The following DPP6 variants were observed in gnomAD, a reference collection of about 807,000 sequenced individuals.
DPP6 encodes dipeptidyl peptidase like 6.
DPP6 carries 69 observed loss-of-function variants against 122.6 expected under a neutral mutation model. That is an observed-to-expected ratio of 0.56 (90% CI 0.46 to 0.69). DPP6 has a LOEUF of 0.69. Among genes scored for constraint, DPP6 ranks in the 30% least tolerant of loss-of-function variants. The pLI is 0.00. For missense variants in DPP6, 928 were observed against 1,116.9 expected, an observed-to-expected ratio of 0.83 and a Z score of 2.41; for synonymous variants, 418 against 433.1, an observed-to-expected ratio of 0.97 and a Z score of 0.43.
chr7:154,593,454 T>C (rs924617405), intron 5 of DPP6, among the ~76,000 whole-genome samples: 8 of 152,242 alleles, frequency 5.3e-5, no homozygotes, highest in Non-Finnish European at 1.0e-4. Context: ...ACTCTTACAC[T>C]GTGCTGTTCA....
intron 2 of DPP6, among the ~76,000 whole-genome samples, chr7:154,467,656 C>T (rs185531738): frequency 2.6e-5 from 4 of 152,284 alleles, no homozygotes; most frequent in East Asian, 3.9e-4. Context: ...GCTAATACAG[C>T]GTCCAACAGC....
At chr7:154,840,453 C>T (rs1801432703) in intron 16 of DPP6, among the ~76,000 whole-genome samples, 1 of 152,214 alleles carries the variant, frequency 6.6e-6, no homozygotes, top group Non-Finnish European at 1.5e-5. Context: ...CAGGTCTGAT[C>T]AGATGTGAAA....
chr7:154,571,433 C>T (rs946832430), intron 5 of DPP6, among the ~76,000 whole-genome samples: 8 of 152,172 alleles, frequency 5.3e-5, no homozygotes, highest in Non-Finnish European at 8.8e-5. Context: ...CTCATCTTAA[C>T]TATGCCAACC....
rs544408928 is a variant in DPP6 at position 154,637,111 on chromosome 7, G to A, written c.628-710G>A. On this transcript the variant is annotated intron_variant, in intron 5 of 25. Transcript: ENST00000377770. ...TTCTCCCTTCTTTTGGGTAACCCTC[G>A]AATTCTGCTTATGGTTATCTATGGA... 7.2e-5 allele frequency among the ~76,000 whole-genome samples: 11 copies of A among 152,172 alleles called. No homozygotes were observed. In the East Asian group the frequency reaches 1.9e-3, roughly 27 times the overall value.
At chr7:154,366,209 T>G (rs1306263253) in intron 1 of DPP6, among the ~76,000 whole-genome samples, 2 of 152,186 alleles carry the variant, frequency 1.3e-5, no homozygotes, top group African/African-American at 4.8e-5. Flanking sequence ...AGATTCTGTT[T>G]GGCTGACCAC....
the DPP6 span, among the ~76,000 whole-genome samples, chr7:153,868,215 C>T: frequency 1.3e-5 from 2 of 152,096 alleles, no homozygotes; most frequent in Admixed American, 6.5e-5. Context: ...GGAATAGTTT[C>T]AGAAGGAATG....
the DPP6 span, among the ~76,000 whole-genome samples, chr7:153,834,160 G>A: frequency 6.6e-6 from 1 of 151,808 alleles, no homozygotes; most frequent in Non-Finnish European, 1.5e-5. Context: ...GGCAGTGGGC[G>A]CCTGTAGTCC....
At chr7:154,086,140 C>T (rs1023124229) in intron 1 of DPP6, among the ~76,000 whole-genome samples, 4 of 152,162 alleles carry the variant, frequency 2.6e-5, no homozygotes, top group Admixed American at 1.3e-4. Context: ...GATTATTTCT[C>T]CCAAAGATCT....
chr7:154,377,864 A>C (rs1813264404), intron 1 of DPP6, among the ~76,000 whole-genome samples: 1 of 152,212 alleles, frequency 6.6e-6, no homozygotes, highest in South Asian at 2.1e-4. Flanking sequence ...TTTGTATTAT[A>C]GCATGCTAGA....
chr7:154,243,070 G>T (rs1344615925), intron 1 of DPP6, among the ~76,000 whole-genome samples: 5 of 152,192 alleles, frequency 3.3e-5, no homozygotes, highest in African/African-American at 1.2e-4. Context: ...ATAAGTTCAT[G>T]TCCATGAAAG....
chr7:154,826,565 G>C (rs1800157999), intron 16 of DPP6, among the ~76,000 whole-genome samples: 1 of 152,164 alleles, frequency 6.6e-6, no homozygotes, highest in African/African-American at 2.4e-5. Flanking sequence ...AAAATCGAGA[G>C]GGTTTCTATG....
In DPP6 at chr7:154,052,628, C is replaced by A; in HGVS notation, c.-193C>A. 15 of 1,276,616 alleles carry A rather than the reference C, an allele frequency of 1.2e-5. No homozygotes were observed. In the South Asian group the frequency reaches 2.5e-4, roughly 21 times the overall value. The allele number at this position is 1,276,616 out of a possible 1,614,324, so 79.1% of individuals were successfully genotyped here. The stretch of plus-strand genomic sequence containing the variant: ...CGGAGGAGGCTGAGCCAGGCAGAGT[C>A]GCCAGCGGAGACTCGCGAGTGGCGC... On this transcript the variant is annotated 5_prime_UTR_variant, in exon 1 of 26. Coordinates refer to ENST00000377770, the MANE Select transcript of DPP6 (RefSeq NM_130797.4). The surrounding 1 kb of genome is among the most constrained non-coding windows in gnomAD (Gnocchi z 4.8).
intron 5 of DPP6, among the ~76,000 whole-genome samples, chr7:154,575,190 G>T (rs1355299177): frequency 1.5e-5 from 2 of 130,776 alleles, no homozygotes; most frequent in Non-Finnish European, 3.2e-5. Flanking sequence ...ATATGTGTGT[G>T]GTGTGTGTGG....
intron 1 of DPP6, among the ~76,000 whole-genome samples, chr7:153,958,750 A>T (rs2190996): frequency 6.6e-6 from 1 of 152,220 alleles, no homozygotes; most frequent in Non-Finnish European, 1.5e-5. Flanking sequence ...CTTGGCTCCA[A>T]TCCCTGAAAG....
At chr7:153,763,171 C>T in the DPP6 span, among the ~76,000 whole-genome samples, 2 of 152,056 alleles carry the variant, frequency 1.3e-5, no homozygotes, top group Non-Finnish European at 2.9e-5. Flanking sequence ...TCTTTACTTC[C>T]ATTTATTTCC....
chr7:153,978,296 A>C (rs534301813), intron 1 of DPP6, among the ~76,000 whole-genome samples: 20 of 152,266 alleles, frequency 1.3e-4, no homozygotes, highest in East Asian at 5.8e-4. Flanking sequence ...GTATTTCTCT[A>C]ATGACCAGTG....
chr7:154,350,083 G>T (rs1810722324), intron 1 of DPP6, among the ~76,000 whole-genome samples: 1 of 152,128 alleles, frequency 6.6e-6, no homozygotes, highest in Non-Finnish European at 1.5e-5. Flanking sequence ...ATGAACCGTA[G>T]GACAAAACCA....
chr7:154,281,575 C>T (rs1804518256), intron 1 of DPP6, among the ~76,000 whole-genome samples: 1 of 152,052 alleles, frequency 6.6e-6, no homozygotes, highest in Non-Finnish European at 1.5e-5. Context: ...TTTAAAAAAT[C>T]AAATATAGCA....
At chr7:153,872,038 G>A in the DPP6 span, among the ~76,000 whole-genome samples, 38 of 152,252 alleles carry the variant, frequency 2.5e-4, no homozygotes, top group Middle Eastern at 3.4e-3. Context: ...ATATTCTTCA[G>A]CCTTCAAAAC....
Sources: allele counts gnomAD v4.1 joint callset (sites outside exome capture counted in the v4.1 genomes callset), GRCh38; gene constraint gnomAD v4.1.1; non-coding constraint Gnocchi (gnomAD v3.1); transcripts MANE v1.5; gene names NCBI Gene and HGNC (gene_info 2026-07-23, HGNC 2026-07-21).